The following TBC1D8 variants were observed in gnomAD, a reference collection of about 807,000 sequenced individuals.
TBC1D8 encodes the protein BUB2-like protein 1.
Under a neutral mutation model 118.8 loss-of-function variants are expected in TBC1D8, and 65 were observed. That is an observed-to-expected ratio of 0.55 (90% CI 0.45 to 0.67). TBC1D8 has a LOEUF of 0.67. TBC1D8 is among the 30% of genes least tolerant of loss of function. The pLI, the probability that TBC1D8 is intolerant of heterozygous loss-of-function variation, is 0.00. For missense variants in TBC1D8, 1,376 were observed against 1,471.2 expected, an observed-to-expected ratio of 0.94 and a Z score of 1.06; for synonymous variants, 566 against 595.8, an observed-to-expected ratio of 0.95 and a Z score of 0.73.
intron 1 of TBC1D8, among the ~76,000 whole-genome samples, chr2:101,106,091 G>A (rs986823442): frequency 2.0e-5 from 3 of 151,794 alleles, no homozygotes; most frequent in Admixed American, 6.6e-5. Flanking sequence ...AAACTTAAAA[G>A]CATATTGCTA....
intron 2 of TBC1D8, among the ~76,000 whole-genome samples, chr2:101,087,166 G>A (rs929296001): frequency 3.3e-5 from 5 of 152,164 alleles, no homozygotes; most frequent in African/African-American, 4.8e-5. Context: ...CAACCAGCAG[G>A]CCACAGGTTG....
chr2:101,033,416 A>G (rs951230478), intron 10 of TBC1D8, 128 bp downstream of exon 10: 3 of 1,109,050 alleles, frequency 2.7e-6, no homozygotes, highest in Non-Finnish European at 4.0e-6. Flanking sequence ...CCGGAAAGGG[A>G]CCGAGTACAG....
intron 17 of TBC1D8, chr2:101,017,847 A>G (rs1461056928): frequency 1.3e-5 from 20 of 1,550,668 alleles, no homozygotes; most frequent in East Asian, 2.4e-5. Context: ...GCTACATGCA[A>G]TTCCCAATTA....
intron 2 of TBC1D8, among the ~76,000 whole-genome samples, chr2:101,072,339 G>C (rs1465035648): frequency 6.6e-6 from 1 of 152,114 alleles, no homozygotes; most frequent in African/African-American, 2.4e-5. Flanking sequence ...GGGAGCAGGT[G>C]TGTCAAAAGG....
chr2:101,053,918 G>T (rs1268984342), intron 4 of TBC1D8, among the ~76,000 whole-genome samples, 190 bp downstream of exon 4: 1 of 152,218 alleles, frequency 6.6e-6, no homozygotes, highest in African/African-American at 2.4e-5. Context: ...TGAAGCAGTA[G>T]AAAAAGTGAA....
chr2:101,090,815 T>A (rs1053005300), intron 1 of TBC1D8, among the ~76,000 whole-genome samples: 22 of 152,226 alleles, frequency 1.4e-4, no homozygotes, highest in Non-Finnish European at 2.5e-4. Context: ...ACCTACTTCA[T>A]AGGGTAATTG....
At chr2:101,078,247 G>C (rs777433559) in intron 2 of TBC1D8, among the ~76,000 whole-genome samples, 18 of 152,172 alleles carry the variant, frequency 1.2e-4, no homozygotes, top group Non-Finnish European at 2.5e-4. Flanking sequence ...TTCCCATCTT[G>C]AGAAATCGGT....
At chr2:101,081,645 T>C (rs1675274437) in intron 2 of TBC1D8, among the ~76,000 whole-genome samples, 1 of 152,224 alleles carries the variant, frequency 6.6e-6, no homozygotes, top group African/African-American at 2.4e-5. Flanking sequence ...GAAGTCCTCT[T>C]CCAGTAACCA....
intron 1 of TBC1D8, among the ~76,000 whole-genome samples, chr2:101,128,925 G>A (rs1027376464): frequency 6.6e-6 from 1 of 151,102 alleles, no homozygotes; most frequent in African/African-American, 2.5e-5. Context: ...TAGAGGGAGG[G>A]AGCAGTGGTT....
intron 17 of TBC1D8, among the ~76,000 whole-genome samples, chr2:101,017,505 C>T (rs1000494114): frequency 2.6e-5 from 4 of 152,172 alleles, no homozygotes; most frequent in Admixed American, 6.5e-5. Flanking sequence ...TTTTCAGTCT[C>T]GCTGTAATCC....
intron 1 of TBC1D8, among the ~76,000 whole-genome samples, chr2:101,095,399 C>G (rs188151537): frequency 2.2e-5 from 3 of 134,396 alleles, no homozygotes; most frequent in Non-Finnish European, 4.8e-5. Context: ...TATCTCCCCC[C>G]CCCTCCCCCC....
chr2:101,122,271 C>A (rs1258893627), intron 1 of TBC1D8, among the ~76,000 whole-genome samples: 1 of 149,896 alleles, frequency 6.7e-6, no homozygotes, highest in Admixed American at 6.7e-5. Flanking sequence ...CGGGGTTTCA[C>A]CATATTGGCC....
chr2:101,025,823 C>T (rs1158296532), intron 15 of TBC1D8, among the ~76,000 whole-genome samples: 3 of 152,190 alleles, frequency 2.0e-5, no homozygotes, highest in Admixed American at 6.5e-5. Context: ...AGCTTACGCA[C>T]CAAGTCTGTA....
intron 3 of TBC1D8, 124 bp from the exon 4 acceptor site, chr2:101,054,460 G>T: frequency 1.1e-6 from 1 of 925,590 alleles, no homozygotes; most frequent in Non-Finnish European, 1.6e-6. Flanking sequence ...CTGCTTCAAC[G>T]ACAGACACAC....
chr2:101,147,184 T>A (rs555217600), intron 1 of TBC1D8, among the ~76,000 whole-genome samples: 1 of 151,228 alleles, frequency 6.6e-6, no homozygotes, highest in South Asian at 2.1e-4. Context: ...AGTGTTCTGT[T>A]GTATATATCT....
intron 1 of TBC1D8, among the ~76,000 whole-genome samples, chr2:101,091,064 C>G (rs1236420590): frequency 6.6e-6 from 1 of 151,024 alleles, no homozygotes; most frequent in African/African-American, 2.4e-5. Context: ...GGGAGGATCA[C>G]TTGAGGTCAG....
chr2:101,020,422 C>T (rs756678798), intron 17 of TBC1D8, among the ~76,000 whole-genome samples: 10 of 152,134 alleles, frequency 6.6e-5, no homozygotes, highest in Non-Finnish European at 1.2e-4. Context: ...TAAATTAAAA[C>T]TCAATTTGTA....
At chr2:101,107,244 C>T (rs1306144419) in intron 1 of TBC1D8, among the ~76,000 whole-genome samples, 2 of 152,106 alleles carry the variant, frequency 1.3e-5, no homozygotes, top group Admixed American at 1.3e-4. Context: ...ACTATAGATA[C>T]AAAGGGTTAC....
In TBC1D8 at chr2:101,029,714, C is replaced by G. The variant is rs1351343972; in HGVS notation, c.1999G>C (p.Glu667Gln). 2 of 1,613,882 alleles carry G rather than the reference C, an allele frequency of 1.2e-6. No individual in the cohort carries two copies. Among genetic ancestry groups the G allele is most frequent in the East Asian group, 2.2e-5 (1 of 44,898 alleles). Residue 667 changes from glutamate (E) to glutamine (Q), a missense_variant, in exon 12 of 20, where the codon GAG (glutamate) becomes CAG (glutamine). Transcript: ENST00000409318. Reference sequence around the variant, plus strand: ...AGGGCTGAGAGGTCGTTCATGTGCTCTGCCAGCTCTGGGAGATGACCCTTG... The same window carrying G: ...AGGGCTGAGAGGTCGTTCATGTGCTGTGCCAGCTCTGGGAGATGACCCTTG... ...LIKGHLPELA[E>Q]HMNDLSALAS...
Sources: allele counts gnomAD v4.1 joint callset (sites outside exome capture counted in the v4.1 genomes callset), GRCh38; gene constraint gnomAD v4.1.1; transcripts MANE v1.5; gene names NCBI Gene and HGNC (gene_info 2026-07-23, HGNC 2026-07-21).